Variants in MMP16 observed in about 807,000 individuals in gnomAD.
MMP16 encodes matrix metallopeptidase 16, also known as matrix metalloproteinase-16.
MMP16 carries 12 observed loss-of-function variants against 67.8 expected under a neutral mutation model. That is an observed-to-expected ratio of 0.18 (90% CI 0.11 to 0.29). MMP16 has a LOEUF of 0.29. Among genes scored for constraint, MMP16 ranks in the 10% least tolerant of loss-of-function variants. The pLI, the probability that MMP16 is intolerant of heterozygous loss-of-function variation, is 1.00. For missense variants in MMP16, 475 were observed against 765.7 expected (o/e 0.62, Z 4.48); for synonymous variants, 249 against 255.9 (o/e 0.97, Z 0.26).
At chr8:88,122,946 G>A (rs1343768452) in intron 4 of MMP16, among the ~76,000 whole-genome samples, 1 of 148,418 alleles carries the variant, frequency 6.7e-6, no homozygotes, top group Non-Finnish European at 1.5e-5. Context: ...ATATGAGTTA[G>A]CTTGGAAGTG....
intron 4 of MMP16, among the ~76,000 whole-genome samples, chr8:88,138,448 T>C (rs753391507): frequency 1.3e-4 from 20 of 151,982 alleles, no homozygotes; most frequent in Non-Finnish European, 2.6e-4. Context: ...TTTGACTGGC[T>C]CTTAGATTTT....
In MMP16 at chr8:88,168,492, T is replaced by C. The variant is rs143024715; in HGVS notation, c.405-519A>G. 4.5e-3 allele frequency among the ~76,000 whole-genome samples: 686 copies of C among 152,330 alleles called. 5 individuals are homozygous for C. Among genetic ancestry groups the C allele is most frequent in the Non-Finnish European group, 7.8e-3 (528 of 68,024 alleles). ...AAGAACTACAATTTCTGATGTTCTA[T>C]TGTTTCTTATTAATTCATTCTAGTT... is the stretch of plus-strand genomic sequence containing the variant. On this transcript the variant is annotated intron_variant, in intron 3 of 9. Transcript: ENST00000286614.
intron 4 of MMP16, among the ~76,000 whole-genome samples, chr8:88,149,559 C>A (rs1167788279): frequency 2.0e-5 from 3 of 152,084 alleles, no homozygotes; most frequent in African/African-American, 4.8e-5. Flanking sequence ...GACCCCTGAC[C>A]CCCGAGCAGC....
chr8:88,141,260 T>C (rs1391248100), intron 4 of MMP16, among the ~76,000 whole-genome samples: 3 of 152,200 alleles, frequency 2.0e-5, no homozygotes, highest in Non-Finnish European at 4.4e-5. Context: ...AGTAGTCTAA[T>C]AGGCACAAAG....
At chr8:88,280,060 C>A (rs565015574) in intron 1 of MMP16, among the ~76,000 whole-genome samples, 1 of 152,270 alleles carries the variant, frequency 6.6e-6, no homozygotes. Flanking sequence ...CATGACCAAG[C>A]GGAGTCTCCC....
rs1052692832 is a variant in MMP16 at position 88,302,924 on chromosome 8, T to C, written c.132+24151A>G. 5.3e-5 allele frequency among the ~76,000 whole-genome samples: 8 copies of C among 152,242 alleles called. No individual in the cohort carries two copies. In the East Asian group the frequency reaches 1.5e-3, roughly 29 times the overall value. On this transcript the variant is annotated intron_variant, in intron 1 of 9. Transcript: ENST00000286614. ...AGGAGTGGCATGGATCCAAAGGAAC[T>C]CCCACCCCCAGCCAAGAGAAGCGGT...
intron 4 of MMP16, among the ~76,000 whole-genome samples, chr8:88,127,543 T>C (rs1394657534): frequency 1.3e-5 from 2 of 151,854 alleles, no homozygotes; most frequent in African/African-American, 4.8e-5. Flanking sequence ...TACATTACTG[T>C]TGGCCATAAC....
At chr8:88,277,917 A>G (rs1162180907) in intron 1 of MMP16, among the ~76,000 whole-genome samples, 1 of 152,164 alleles carries the variant, frequency 6.6e-6, no homozygotes, top group East Asian at 1.9e-4. Context: ...TGATATGCTG[A>G]TATTTGAAGG....
chr8:88,056,214 G>A lies in MMP16; in HGVS notation c.1287C>T (p.Thr429=). 6.2e-7 allele frequency: 1 copy of A among 1,600,838 alleles called. No homozygotes were observed. The highest frequency in any genetic ancestry group is 8.5e-7 in the Non-Finnish European group (1 of 1,172,316). The change falls in exon 8 of 10, where the codon ACC becomes ACT. Residue 429 remains threonine (T), a synonymous_variant. Coordinates refer to ENST00000286614, the MANE Select transcript of MMP16 (RefSeq NM_005941.5). ...LQPGYPHDLI[T]LGSGIPPHGI... ...CATGAGGGGGAATTCCACTTCCAAG[G>A]GTTATCAAGTCATGAGGGTAACCAG...
At chr8:88,279,298 G>A (rs930168239) in intron 1 of MMP16, among the ~76,000 whole-genome samples, 3 of 151,308 alleles carry the variant, frequency 2.0e-5, no homozygotes, top group African/African-American at 7.3e-5. Flanking sequence ...ATGTTAAAAT[G>A]ATAATATATC....
intron 6 of MMP16, among the ~76,000 whole-genome samples, chr8:88,092,915 A>G (rs1808962408): frequency 6.6e-6 from 1 of 151,814 alleles, no homozygotes; most frequent in African/African-American, 2.4e-5. Context: ...AACCCACTCA[A>G]TTGGTAGTGA....
At chr8:88,287,565 T>C (rs1445680902) in intron 1 of MMP16, among the ~76,000 whole-genome samples, 1 of 152,224 alleles carries the variant, frequency 6.6e-6, no homozygotes, top group Non-Finnish European at 1.5e-5. Flanking sequence ...TTGTTCATTG[T>C]TACATCCCCT....
intron 1 of MMP16, among the ~76,000 whole-genome samples, chr8:88,247,560 C>T (rs369785932): frequency 1.3e-5 from 2 of 151,830 alleles, no homozygotes; most frequent in Non-Finnish European, 2.9e-5. Context: ...GAATGAGGCT[C>T]GAGGGTTCAC....
chr8:88,105,550 A>C (rs1292150619), intron 6 of MMP16, among the ~76,000 whole-genome samples: 3 of 151,610 alleles, frequency 2.0e-5, no homozygotes, highest in South Asian at 2.1e-4. Context: ...GAAACAGAAA[A>C]ATTTGGAACC....
intron 6 of MMP16, among the ~76,000 whole-genome samples, chr8:88,089,605 GGAAAT>G (rs1434922209): frequency 6.6e-6 from 1 of 151,902 alleles, no homozygotes; most frequent in Non-Finnish European, 1.5e-5. Flanking sequence ...AAAAAGAAGA[GGAAAT>G]GAAGTAATAA....
At chr8:88,189,352 A>C (rs1024047150) in intron 2 of MMP16, among the ~76,000 whole-genome samples, 1 of 152,054 alleles carries the variant, frequency 6.6e-6, no homozygotes, top group Non-Finnish European at 1.5e-5. Flanking sequence ...CCTACCCCAA[A>C]CTTGCACCAA....
intron 4 of MMP16, among the ~76,000 whole-genome samples, chr8:88,153,421 C>G (rs1248340139): frequency 6.6e-6 from 1 of 152,128 alleles, no homozygotes; most frequent in Non-Finnish European, 1.5e-5. Flanking sequence ...AACCCTAAGC[C>G]AAAAGAACAA....
chr8:88,183,723 T>TTTA (rs1392953393), intron 3 of MMP16, among the ~76,000 whole-genome samples: 2 of 141,744 alleles, frequency 1.4e-5, no homozygotes, highest in South Asian at 2.4e-4. Context: ...TTTTTTTTTT[T>TTTA]TTTTTTTTTG....
rs1489765346 is a variant in MMP16, at chr8:88,034,415, AC to A, written c.*7045del. Reference sequence around the variant, plus strand: ...AGGAGCAGAAAAACCAGGCACACATACCCTTGCTTGGAAATTGTTTGTTTGG... The same window carrying A: ...AGGAGCAGAAAAACCAGGCACACATACCTTGCTTGGAAATTGTTTGTTTGG... On this transcript the variant is annotated 3_prime_UTR_variant, in exon 10 of 10. Coordinates refer to ENST00000286614, the MANE Select transcript of MMP16 (RefSeq NM_005941.5). 1 of 152,284 alleles carries A rather than the reference AC, an allele frequency of 6.6e-6. No individual in the cohort carries two copies. The highest frequency in any genetic ancestry group is 1.5e-5 in the Non-Finnish European group (1 of 67,916). The allele number at this position is 152,284 out of a possible 1,614,324, so 9.4% of individuals were successfully genotyped here.
Sources: allele counts gnomAD v4.1 joint callset (sites outside exome capture counted in the v4.1 genomes callset), GRCh38; gene constraint gnomAD v4.1.1; transcripts MANE v1.5; gene names NCBI Gene and HGNC (gene_info 2026-07-23, HGNC 2026-07-21).